Variants in FAM193A observed in about 807,000 individuals in gnomAD.
The protein encoded by FAM193A is protein FAM193A.
Under a neutral mutation model 126.5 loss-of-function variants are expected in FAM193A, and 22 were observed. That is an observed-to-expected ratio of 0.17 (90% CI 0.12 to 0.25). The LOEUF is 0.25. Ranked by LOEUF, FAM193A falls within the 10% of genes least tolerant of loss-of-function variation. The pLI, the probability that FAM193A is intolerant of heterozygous loss-of-function variation, is 1.00. For synonymous variants in FAM193A, 761 were observed against 646.8 expected, an observed-to-expected ratio of 1.18 and a Z score of -2.68; for missense variants, 1,675 against 1,672.8, an observed-to-expected ratio of 1.00 and a Z score of -0.02.
intron 2 of FAM193A, among the ~76,000 whole-genome samples, chr4:2,619,346 A>G (rs1742398413): frequency 6.6e-6 from 1 of 151,910 alleles, no homozygotes; most frequent in African/African-American, 2.4e-5. Context: ...TGTGTCACCC[A>G]GGCTGGACTG....
chr4:2,619,588 G>C (rs114559499), intron 2 of FAM193A, among the ~76,000 whole-genome samples: 1 of 151,984 alleles, frequency 6.6e-6, no homozygotes, highest in Admixed American at 6.6e-5. Flanking sequence ...GGCTGCTCTC[G>C]AATTCCTGAC....
rs370871594 is a variant in FAM193A at position 2,573,388 on chromosome 4, C to A, written c.256-22696C>A. ...TCAGCCAGTGCGTGGTGACGGGCAC[C>A]TGTAATCCCAGCTACTCTGGAGGCT... On this transcript the variant is annotated intron_variant, in intron 1 of 20. Coordinates refer to ENST00000637812, the MANE Select transcript of FAM193A (RefSeq NM_001366318.2). Among the ~76,000 whole-genome samples the A allele has an allele frequency of 2.8e-4, 43 of 152,132 alleles. 1 individual carries two copies. Among genetic ancestry groups the A allele is most frequent in the African/African-American group, 1.0e-3 (43 of 41,500 alleles).
chr4:2,677,522 C>T (rs1172998176), intron 13 of FAM193A, among the ~76,000 whole-genome samples: 4 of 151,700 alleles, frequency 2.6e-5, no homozygotes, highest in African/African-American at 7.3e-5. Context: ...GGGCGGATCA[C>T]GAGGTCAGGA....
At chr4:2,606,840 G>A (rs924599599) in intron 2 of FAM193A, among the ~76,000 whole-genome samples, 1 of 152,184 alleles carries the variant, frequency 6.6e-6, no homozygotes, top group Non-Finnish European at 1.5e-5. Context: ...ACAGTGGCAG[G>A]TGAAAGTTTT....
chr4:2,660,136 G>A, intron 10 of FAM193A, 82 bp downstream of exon 10: 2 of 1,402,296 alleles, frequency 1.4e-6, no homozygotes, highest in East Asian at 4.6e-5. Flanking sequence ...GTCCACAGAA[G>A]TATGAACATC....
At chr4:2,632,068 G>A (rs114742291) in intron 5 of FAM193A, among the ~76,000 whole-genome samples, 4,367 of 152,074 alleles carry the variant, frequency 0.029, 222 homozygotes, top group African/African-American at 0.099. Flanking sequence ...AAGTTTGAGG[G>A]GCCACATCTG....
In FAM193A at chr4:2,596,202, C is replaced by G. The variant is rs565685422; in HGVS notation, c.374C>G (p.Ala125Gly). The change falls in exon 2 of 21, where the codon GCG becomes GGG. Residue 125 changes from alanine (A) to glycine (G), a missense_variant. Around this residue, in one of 4 missense-constraint regions of FAM193A, gnomAD observed 1,186 missense variants for 1,109.2 expected, o/e 1.07. Coordinates refer to ENST00000637812, the MANE Select transcript of FAM193A (RefSeq NM_001366318.2). ...TTCTTAGAGAGTGGAATTAAGACTG[C>G]GAGCAAATTGGCCCTTTCCATGGCT... The part of the protein sequence containing the change: ...SSFLESGIKT[A>G]SKLALSMAPK... The G allele has an allele frequency of 1.4e-6, 1 of 702,920 alleles. No homozygotes were observed. Among genetic ancestry groups the G allele is most frequent in the African/African-American group, 1.7e-5 (1 of 57,348 alleles). 43.5% of individuals were successfully genotyped at this position (702,920 alleles called of 1,614,324 possible). A position where few individuals can be genotyped will look rare whatever the true frequency, so the allele number is the denominator to read the frequency against.
chr4:2,682,781 C>T (rs1459345771), intron 13 of FAM193A, among the ~76,000 whole-genome samples: 1 of 152,152 alleles, frequency 6.6e-6, no homozygotes, highest in Non-Finnish European at 1.5e-5. Context: ...AGATTACTCC[C>T]GACCCTTCCC....
At chr4:2,697,856 C>T (rs1424958702) in intron 18 of FAM193A, among the ~76,000 whole-genome samples, 2 of 152,278 alleles carry the variant, frequency 1.3e-5, no homozygotes, top group African/African-American at 4.8e-5. Context: ...TCGGGGTACC[C>T]ACGATGGTCC....
chr4:2,696,517 A>G lies in FAM193A; in HGVS notation c.3431A>G (p.Gln1144Arg), dbSNP rs1469595431. ...VDHRRVEDLLQFINSSETKPV... is the reference protein window; with the variant it reads ...VDHRRVEDLLRFINSSETKPV... ...CATCGGAGGGTGGAGGATTTGTTGC[A>G]GTTTATAAATAGCTCCGAAACCAAA... Residue 1144 changes from glutamine to arginine, a missense_variant, in exon 18 of 21, where the codon CAG becomes CGG. Physicochemically the swap from Gln to Arg is conservative, Grantham distance 43. Coordinates refer to ENST00000637812, the MANE Select transcript of FAM193A (RefSeq NM_001366318.2). The G allele has an allele frequency of 6.2e-7, 1 of 1,614,132 alleles. No homozygotes were observed. Among genetic ancestry groups the G allele is most frequent in the African/African-American group, 1.3e-5 (1 of 74,954 alleles).
intron 10 of FAM193A, among the ~76,000 whole-genome samples, chr4:2,660,507 T>C (rs1047014628): frequency 2.6e-5 from 4 of 152,264 alleles, no homozygotes; most frequent in African/African-American, 9.6e-5. Context: ...GTTGTGCAGC[T>C]GTCACCAATT....
Position 2,663,269 on chromosome 4 carries a change from C to T in FAM193A, c.2060C>T (p.Pro687Leu). The T allele has an allele frequency of 1.3e-6, 2 of 1,595,836 alleles. No individual in the cohort carries two copies. Among genetic ancestry groups the T allele is most frequent in the Non-Finnish European group, 1.7e-6 (2 of 1,173,560 alleles). ...TEESKADSPP[P>L]SYPTQQAEQA... ...GAGAGCAAAGCAGACAGTCCACCCCCATCCTACCCAACACAGCAGGTAGGA... is the reference window on the plus strand; with the variant it reads ...GAGAGCAAAGCAGACAGTCCACCCCTATCCTACCCAACACAGCAGGTAGGA... The change falls in exon 12 of 21, where the codon CCA becomes CTA. Residue 687 changes from proline (P) to leucine (L), a missense_variant. Coordinates refer to ENST00000637812, the MANE Select transcript of FAM193A (RefSeq NM_001366318.2).
chr4:2,638,522 G>T (rs911937575), intron 5 of FAM193A, among the ~76,000 whole-genome samples: 4 of 152,174 alleles, frequency 2.6e-5, no homozygotes, highest in African/African-American at 9.7e-5. Context: ...AAAACACGAT[G>T]AGGAAAAGTA....
At chr4:2,581,255 CTTTTTT>C (rs34915273) in intron 1 of FAM193A, among the ~76,000 whole-genome samples, 1 of 135,916 alleles carries the variant, frequency 7.4e-6, no homozygotes, top group Non-Finnish European at 1.6e-5. Flanking sequence ...TTCTTTCTTT[CTTTTTT>C]TTTTTTTTTG....
chr4:2,660,401 T>A (rs774037581), intron 10 of FAM193A, among the ~76,000 whole-genome samples: 2 of 152,166 alleles, frequency 1.3e-5, no homozygotes, highest in Non-Finnish European at 2.9e-5. Flanking sequence ...CCAGCACTCA[T>A]GCTTGTTTCA....
chr4:2,560,919 C>T (rs1321897665), intron 1 of FAM193A, among the ~76,000 whole-genome samples: 1 of 152,170 alleles, frequency 6.6e-6, no homozygotes, highest in African/African-American at 2.4e-5. Context: ...TCCCAAAGTA[C>T]TGGGATTACA....
intron 18 of FAM193A, among the ~76,000 whole-genome samples, chr4:2,698,483 T>C (rs886680445): frequency 6.6e-6 from 1 of 152,266 alleles, no homozygotes; most frequent in Non-Finnish European, 1.5e-5. Flanking sequence ...TAAATAATTT[T>C]TACTTGAATT....
intron 2 of FAM193A, among the ~76,000 whole-genome samples, chr4:2,602,001 G>T (rs1433568912): frequency 6.6e-6 from 1 of 151,866 alleles, no homozygotes; most frequent in African/African-American, 2.4e-5. Flanking sequence ...ACCGTGCCCA[G>T]CTAATTTTTG....
chr4:2,541,607 A>ACTTG (rs2108802593), intron 1 of FAM193A, among the ~76,000 whole-genome samples: 1 of 150,064 alleles, frequency 6.7e-6, no homozygotes, highest in East Asian at 2.1e-4. Flanking sequence ...CACCACGCCC[A>ACTTG]GCTAATTTTT....
Sources: gnomAD v4.1 joint callset for allele counts (sites outside exome capture counted in the v4.1 genomes callset) on GRCh38, gnomAD v4.1.1 for gene constraint, gnomAD v4.1.1 regional missense constraint, MANE v1.5 for transcripts, NCBI Gene and HGNC (gene_info 2026-07-23, HGNC 2026-07-21) for gene names.